The following TMEM108 variants were observed in gnomAD, a reference collection of about 807,000 sequenced individuals.
The protein encoded by TMEM108 is transmembrane protein 108, also known as cancer/testis antigen 124.
TMEM108 carries 12 observed loss-of-function variants against 35.1 expected under a neutral mutation model. That is an observed-to-expected ratio of 0.34 (90% confidence interval 0.22 to 0.55). The LOEUF is 0.55. Ranked by LOEUF, TMEM108 falls within the 20% of genes least tolerant of loss-of-function variation. TMEM108 has a pLI of 0.89. For missense variants in TMEM108, 680 were observed against 753.3 expected, an observed-to-expected ratio of 0.90 and a Z score of 1.14; for synonymous variants, 287 against 308.6, an observed-to-expected ratio of 0.93 and a Z score of 0.73.
intron 3 of TMEM108, among the ~76,000 whole-genome samples, chr3:133,256,857 A>G (rs1293273876): frequency 6.6e-6 from 1 of 152,258 alleles, no homozygotes; most frequent in East Asian, 1.9e-4. Context: ...AGTGCTCCAC[A>G]ATTCACTTCA....
intron 2 of TMEM108, among the ~76,000 whole-genome samples, chr3:133,077,229 C>T (rs1489101816): frequency 1.3e-5 from 2 of 152,150 alleles, no homozygotes; most frequent in African/African-American, 4.8e-5. Flanking sequence ...TAAATTGTTG[C>T]AAACAATACT....
chr3:133,308,241 C>G (rs2071072003), intron 3 of TMEM108, among the ~76,000 whole-genome samples: 1 of 152,122 alleles, frequency 6.6e-6, no homozygotes, highest in African/African-American at 2.4e-5. Flanking sequence ...AGTTGCTTAT[C>G]AGCTTAAGGA....
intron 2 of TMEM108, among the ~76,000 whole-genome samples, chr3:133,225,074 C>CT (rs1000925315): frequency 8.6e-5 from 12 of 139,572 alleles, no homozygotes; most frequent in African/African-American, 3.2e-4. Flanking sequence ...AGTTGGAGTC[C>CT]TGCTCTGCCG....
At chr3:133,372,373 G>C (rs1331998884) in intron 3 of TMEM108, among the ~76,000 whole-genome samples, 1 of 152,176 alleles carries the variant, frequency 6.6e-6, no homozygotes, top group Non-Finnish European at 1.5e-5. Context: ...ATGTGGAGAT[G>C]ATGGGGGACT....
chr3:133,197,521 G>C (rs560602311), intron 2 of TMEM108, among the ~76,000 whole-genome samples: 19 of 152,290 alleles, frequency 1.2e-4, no homozygotes, highest in Non-Finnish European at 2.2e-4. Flanking sequence ...TGGAAGGTAG[G>C]AGGATTTCTC....
intron 2 of TMEM108, among the ~76,000 whole-genome samples, chr3:133,081,507 C>T (rs73005567): frequency 0.019 from 2,892 of 152,278 alleles, 55 homozygotes; most frequent in African/African-American, 0.053. Context: ...TTGGGGGGAA[C>T]GCAATTCAGT....
At chr3:133,143,921 C>CTTTTATTTTA (rs3078779) in intron 2 of TMEM108, among the ~76,000 whole-genome samples, 4,159 of 131,202 alleles carry the variant, frequency 0.032, 112 homozygotes, top group African/African-American at 0.057. Flanking sequence ...GGAAGGCTCA[C>CTTTTATTTTA]TTTTATTTTA....
At chr3:133,205,248 A>G (rs1334404544) in intron 2 of TMEM108, among the ~76,000 whole-genome samples, 1 of 150,762 alleles carries the variant, frequency 6.6e-6, no homozygotes, top group Non-Finnish European at 1.5e-5. Flanking sequence ...AGTGGTCTTG[A>G]CTCTATCCAA....
intron 3 of TMEM108, among the ~76,000 whole-genome samples, chr3:133,268,426 G>A (rs1001259959): frequency 2.6e-5 from 4 of 152,204 alleles, no homozygotes; most frequent in African/African-American, 7.2e-5. Flanking sequence ...TCTGATTCAT[G>A]TGGACCTAAA....
At chr3:133,185,760 GTTTCTTTTCT>G (rs1230590710) in intron 2 of TMEM108, among the ~76,000 whole-genome samples, 4 of 132,012 alleles carry the variant, frequency 3.0e-5, no homozygotes, top group South Asian at 2.5e-4. Flanking sequence ...GGGACCTTGC[GTTTCTTTTCT>G]TTTCTTTTCT....
chr3:133,126,598 T>C (rs554077222), intron 2 of TMEM108, among the ~76,000 whole-genome samples: 80 of 152,192 alleles, frequency 5.3e-4, no homozygotes, highest in African/African-American at 1.8e-3. Context: ...TTAAATTTTC[T>C]AGTGGCCACA....
At chr3:133,092,481 T>C (rs1280076148) in intron 2 of TMEM108, among the ~76,000 whole-genome samples, 2 of 152,216 alleles carry the variant, frequency 1.3e-5, no homozygotes, top group Non-Finnish European at 2.9e-5. Context: ...TTTTAGACTT[T>C]TAGAATTTTT....
intron 1 of TMEM108, among the ~76,000 whole-genome samples, chr3:133,044,544 A>G (rs79732731): frequency 0.032 from 4,941 of 152,310 alleles, 103 homozygotes; most frequent in South Asian, 0.062. Context: ...CCAAAGGACA[A>G]CAGCATCAGT....
In TMEM108 at chr3:133,380,578, T is replaced by G. The variant is rs375540204; in HGVS notation, c.867T>G (p.Ser289=). The G allele has an allele frequency of 5.6e-6, 9 of 1,613,220 alleles. No individual in the cohort carries two copies. Among genetic ancestry groups the G allele is most frequent in the Non-Finnish European group, 6.8e-6 (8 of 1,179,568 alleles). The change falls in exon 4 of 6, where the codon TCT becomes TCG. Residue 289 remains serine (S), a synonymous_variant. Transcript: ENST00000321871. This position sits in a 1 kb window ranked among gnomAD's most constrained non-coding sequence, Gnocchi z 5.3. ...GLRRAAQGGG[S]TFTSQGGTPD... Reference sequence around the variant, plus strand: ...GCAGAGCAGCCCAGGGGGGTGGTTCTACCTTCACCAGCCAAGGAGGGACAC... The same window carrying G: ...GCAGAGCAGCCCAGGGGGGTGGTTCGACCTTCACCAGCCAAGGAGGGACAC...
At chr3:133,043,903 A>G (rs1339477114) in intron 1 of TMEM108, among the ~76,000 whole-genome samples, 1 of 152,198 alleles carries the variant, frequency 6.6e-6, no homozygotes, top group African/African-American at 2.4e-5. Flanking sequence ...TTGTTTCCAA[A>G]TAAGAGTGAC....
chr3:133,257,995 A>G (rs780184307), intron 3 of TMEM108, among the ~76,000 whole-genome samples: 1 of 152,128 alleles, frequency 6.6e-6, no homozygotes, highest in African/African-American at 2.4e-5. Flanking sequence ...TAGTGAAAAT[A>G]CCATTTATAA....
At chr3:133,169,543 AGTT>A (rs1160565143) in intron 2 of TMEM108, among the ~76,000 whole-genome samples, 2 of 152,212 alleles carry the variant, frequency 1.3e-5, no homozygotes, top group African/African-American at 4.8e-5. Flanking sequence ...TGGCTGATTC[AGTT>A]GTTGTGGAAG....
intron 3 of TMEM108, among the ~76,000 whole-genome samples, chr3:133,268,489 A>AG (rs372961423): frequency 1.0e-3 from 155 of 152,308 alleles, no homozygotes; most frequent in African/African-American, 3.7e-3. Context: ...AGGAACACAG[A>AG]GGAGAGGAGA....
chr3:133,391,933 G>A (rs1003517941), intron 5 of TMEM108, among the ~76,000 whole-genome samples: 1 of 152,078 alleles, frequency 6.6e-6, no homozygotes, highest in Admixed American at 6.5e-5. Flanking sequence ...TCCCCTACTT[G>A]AGTAACCAGT....
Sources: allele counts gnomAD v4.1 joint callset (sites outside exome capture counted in the v4.1 genomes callset), GRCh38; gene constraint gnomAD v4.1.1; non-coding constraint Gnocchi (gnomAD v3.1); transcripts MANE v1.5; gene names NCBI Gene and HGNC (gene_info 2026-07-23, HGNC 2026-07-21).